FBXL17: variants seen among roughly 807,000 people sequenced by gnomAD.
FBXL17 encodes the protein F-box and leucine rich repeat protein 17, also known as F-box/LRR-repeat protein 17.
FBXL17 carries 22 observed loss-of-function variants against 66.2 expected under a neutral mutation model. The observed-to-expected ratio is 0.33, with a 90% CI of 0.24 to 0.47. The LOEUF is 0.47. FBXL17 is among the 20% of genes least tolerant of loss of function. FBXL17 has a pLI of 1.00. For synonymous variants in FBXL17, 474 were observed against 400.5 expected, an observed-to-expected ratio of 1.18 and a Z score of -2.19; for missense variants, 878 against 948.2, an observed-to-expected ratio of 0.93 and a Z score of 0.97.
intron 7 of FBXL17, among the ~76,000 whole-genome samples, chr5:107,984,505 A>G (rs1439474946): frequency 6.6e-6 from 1 of 152,294 alleles, no homozygotes; most frequent in East Asian, 1.9e-4. Context: ...TTCAGTTCCC[A>G]GATGCCTGTG....
At chr5:107,994,753 C>G (rs1268491194) in intron 7 of FBXL17, among the ~76,000 whole-genome samples, 1 of 151,836 alleles carries the variant, frequency 6.6e-6, no homozygotes, top group Non-Finnish European at 1.5e-5. Context: ...CAGGAAAATC[C>G]CTTCAACCCG....
At chr5:108,313,318 T>A (rs1291066772) in intron 4 of FBXL17, among the ~76,000 whole-genome samples, 1 of 152,106 alleles carries the variant, frequency 6.6e-6, no homozygotes, top group East Asian at 1.9e-4. Context: ...GACACCTGGA[T>A]TGGATAAACA....
At chr5:107,922,499 C>T (rs561444204) in intron 7 of FBXL17, among the ~76,000 whole-genome samples, 8 of 152,204 alleles carry the variant, frequency 5.3e-5, no homozygotes, top group South Asian at 2.1e-4. Context: ...AAAAAACCCT[C>T]CATGGAAGCT....
At chr5:108,338,957 T>C (rs116137493) in intron 4 of FBXL17, among the ~76,000 whole-genome samples, 159 of 152,290 alleles carry the variant, frequency 1.0e-3, no homozygotes, top group African/African-American at 3.6e-3. Flanking sequence ...CTGTATATCT[T>C]TGCCTGAAGA....
chr5:108,165,919 A>G (rs2150011473), intron 6 of FBXL17, among the ~76,000 whole-genome samples: 1 of 152,320 alleles, frequency 6.6e-6, no homozygotes, highest in African/African-American at 2.4e-5. Flanking sequence ...AAAATCCACA[A>G]ACACACTTAA....
rs1351104022 is a variant in FBXL17, at chr5:108,381,178, G to A, written c.514C>T (p.Pro172Ser). Residue 172 changes from proline to serine, a missense_variant, in exon 1 of 9, where the codon CCG becomes TCG. Coordinates refer to ENST00000542267, the MANE Select transcript of FBXL17 (RefSeq NM_001163315.3). ...CGGAAGAGCTGCACGGCGGCGGGCG[G>A]CCCCAGGAAGCGCACCGGCCCCAAG... ...ASLGPVRFLGPPAAVQLFRGP... is the reference protein window; with the variant it reads ...ASLGPVRFLGSPAAVQLFRGP... 1 of 1,431,420 alleles carries A rather than the reference G, an allele frequency of 7.0e-7. No homozygotes were observed. Among genetic ancestry groups the A allele is most frequent in the Non-Finnish European group, 9.1e-7 (1 of 1,094,384 alleles). The allele number at this position is 1,431,420 out of a possible 1,614,324, so 88.7% of individuals were successfully genotyped here.
chr5:108,350,356 C>A (rs1287375311), intron 3 of FBXL17, among the ~76,000 whole-genome samples: 1 of 152,100 alleles, frequency 6.6e-6, no homozygotes, highest in Non-Finnish European at 1.5e-5. Context: ...CTGGGGTATA[C>A]CACAGATAGC....
chr5:108,122,132 C>G (rs1750528366), intron 6 of FBXL17, among the ~76,000 whole-genome samples: 1 of 151,942 alleles, frequency 6.6e-6, no homozygotes, highest in Admixed American at 6.6e-5. Context: ...ATACTAGGTA[C>G]TATATATATC....
chr5:108,183,485 A>G (rs575986088), intron 6 of FBXL17, among the ~76,000 whole-genome samples: 9 of 152,220 alleles, frequency 5.9e-5, no homozygotes, highest in Non-Finnish European at 1.3e-4. Context: ...TAAATTTTCT[A>G]TATAGGATGT....
At chr5:107,994,709 G>T (rs907632108) in intron 7 of FBXL17, among the ~76,000 whole-genome samples, 1 of 151,786 alleles carries the variant, frequency 6.6e-6, no homozygotes, top group Non-Finnish European at 1.5e-5. Context: ...GCGGTGGCAG[G>T]TGCCTATAAT....
intron 6 of FBXL17, among the ~76,000 whole-genome samples, chr5:108,090,851 T>C (rs1217395355): frequency 6.6e-6 from 1 of 152,236 alleles, no homozygotes; most frequent in Non-Finnish European, 1.5e-5. Flanking sequence ...CTTGGAAAGT[T>C]AGTTTTACTT....
At chr5:107,895,555 C>G (rs773329902) in intron 7 of FBXL17, among the ~76,000 whole-genome samples, 14 of 152,022 alleles carry the variant, frequency 9.2e-5, no homozygotes, top group Admixed American at 5.9e-4. Context: ...GATTCAAAAC[C>G]CTTTAGACAC....
chr5:108,311,178 A>T (rs866399374), intron 4 of FBXL17, among the ~76,000 whole-genome samples: 9 of 151,068 alleles, frequency 6.0e-5, no homozygotes, highest in Middle Eastern at 6.8e-3. Context: ...TTTTATTTTT[A>T]TTTTTTTTCT....
At chr5:108,024,010 C>A (rs547050211) in intron 6 of FBXL17, among the ~76,000 whole-genome samples, 1 of 152,222 alleles carries the variant, frequency 6.6e-6, no homozygotes, top group South Asian at 2.1e-4. Flanking sequence ...TAGGAGCAAG[C>A]CATGAGTCTC....
chr5:108,131,994 TA>T (rs1315321182), intron 6 of FBXL17, among the ~76,000 whole-genome samples: 1 of 146,278 alleles, frequency 6.8e-6, no homozygotes. Flanking sequence ...TTTTTTTTTT[TA>T]GGCGGAGTTT....
chr5:108,291,723 G>A lies in FBXL17; in HGVS notation c.1506+56676C>T, dbSNP rs574398045. On this transcript the variant is annotated intron_variant, in intron 4 of 8. Transcript: ENST00000542267. Reference sequence around the variant, plus strand: ...TTCTCCGACATCTCAAATGAGACATGTTTACTACTGAAGTCCTCCCATTCC... The same window carrying A: ...TTCTCCGACATCTCAAATGAGACATATTTACTACTGAAGTCCTCCCATTCC... Among the ~76,000 whole-genome samples the A allele has an allele frequency of 2.6e-5, 4 of 152,224 alleles. No individual in the cohort carries two copies. The South Asian group carries it at 8.3e-4, about 32-fold the overall frequency.
At chr5:108,234,442 G>C (rs994650426) in intron 4 of FBXL17, among the ~76,000 whole-genome samples, 2 of 152,110 alleles carry the variant, frequency 1.3e-5, no homozygotes, top group Non-Finnish European at 2.9e-5. Flanking sequence ...TGGCAAAACT[G>C]GGTTTTAAAC....
At chr5:107,973,950 C>A (rs1304585388) in intron 7 of FBXL17, among the ~76,000 whole-genome samples, 2 of 151,910 alleles carry the variant, frequency 1.3e-5, no homozygotes, top group Admixed American at 1.3e-4. Context: ...TAATGTGATA[C>A]TAAATTGATA....
chr5:108,332,138 G>A (rs1025154404), intron 4 of FBXL17, among the ~76,000 whole-genome samples: 4 of 152,114 alleles, frequency 2.6e-5, no homozygotes, highest in African/African-American at 9.7e-5. Context: ...TACCTTTGAA[G>A]GGGAGTCAAG....
Sources: gnomAD v4.1 joint callset for allele counts (sites outside exome capture counted in the v4.1 genomes callset) on GRCh38, gnomAD v4.1.1 for gene constraint, MANE v1.5 for transcripts, NCBI Gene and HGNC (gene_info 2026-07-23, HGNC 2026-07-21) for gene names.